The following CHRNA4 variants were observed in gnomAD, a reference collection of about 807,000 sequenced individuals.
CHRNA4 encodes neuronal acetylcholine receptor subunit alpha-4.
In CHRNA4, 28 loss-of-function variants were observed where a neutral mutation model predicts 48.9. The observed-to-expected ratio is 0.57, with a 90% confidence interval of 0.42 to 0.79. CHRNA4 has a LOEUF of 0.79. CHRNA4 is among the 30% of genes least tolerant of loss of function. CHRNA4 has a pLI of 0.00. For missense variants in CHRNA4, 859 were observed against 898.4 expected (o/e 0.96, Z 0.56); for synonymous variants, 425 against 402.3 (o/e 1.06, Z -0.68).
At chr20:63,348,452 C>T (rs779018574) in intron 5 of CHRNA4, among the ~76,000 whole-genome samples, 2 of 152,308 alleles carry the variant, frequency 1.3e-5, no homozygotes, top group Middle Eastern at 3.4e-3. Flanking sequence ...GCGAGCAACT[C>T]CCTCACTTTT....
rs773557088 is a variant in CHRNA4 at position 63,350,665 on chromosome 20, T to C, written c.746A>G (p.Asn249Ser). Residue 249 changes from asparagine (N) to serine (S), a missense_variant, in exon 5 of 6, where the codon AAC (asparagine) becomes AGC (serine). Coordinates refer to ENST00000370263, the MANE Select transcript of CHRNA4 (RefSeq NM_000744.7). ...IRRLPLFYTI[N>S]LIIPCLLISC... ...GATGAGCAGGCAGGGGATGATGAGG[T>C]TGATGGTGTAGAAGAGCGGCAGCCG... 2 of 1,613,410 alleles carry C rather than the reference T, an allele frequency of 1.2e-6. No individual in the cohort carries two copies. Among genetic ancestry groups the C allele is most frequent in the Non-Finnish European group, 1.7e-6 (2 of 1,179,826 alleles).
chr20:63,352,037 T>C (rs1344546187), intron 4 of CHRNA4, among the ~76,000 whole-genome samples: 4 of 152,074 alleles, frequency 2.6e-5, no homozygotes, highest in Non-Finnish European at 5.9e-5. Flanking sequence ...TTGGCAGGCA[T>C]GGGGCCAGGC....
Position 63,350,354 on chromosome 20 carries a change from G to A in CHRNA4, c.1057C>T (p.Pro353Ser), listed in dbSNP as rs201052218. 2.5e-6 allele frequency: 4 copies of A among 1,613,598 alleles called. No homozygotes were observed. Among genetic ancestry groups the A allele is most frequent in the Non-Finnish European group, 3.4e-6 (4 of 1,180,032 alleles). Residue 353 changes from proline to serine, a missense_variant, in exon 5 of 6, where the codon CCA becomes TCA. Pro to Ser is a moderately conservative substitution (Grantham distance 74). Around this residue, in one of 3 missense-constraint regions of CHRNA4, gnomAD observed 478 missense variants for 455.4 expected, o/e 1.05. Transcript: ENST00000370263. The part of the protein sequence containing the change: ...WVRRVFLDIV[P>S]RLLLMKRPSV... ...GGCCGCTTCATGAGGAGCAGGCGTG[G>A]CACGATGTCCAGGAAGACCCTGCGT...
chr20:63,347,058 C>T, intron 5 of CHRNA4, 195 bp from the exon 6 acceptor site: 1 of 735,114 alleles, frequency 1.4e-6, no homozygotes, highest in Non-Finnish European at 2.3e-6. Flanking sequence ...CAGTGCTCTG[C>T]GGGGGGCATC....
chr20:63,359,564 G>A lies in CHRNA4; in HGVS notation c.212C>T (p.Ala71Val), dbSNP rs753677594. The A allele has an allele frequency of 5.6e-6, 9 of 1,612,724 alleles. No homozygotes were observed. The highest frequency in any genetic ancestry group is 3.3e-5 in the Admixed American group (2 of 60,030). The change falls in exon 2 of 6, where the codon GCT (alanine) becomes GTT (valine). Residue 71 changes from alanine (A) to valine (V), a missense_variant. Ala to Val is a moderately conservative substitution (Grantham distance 64, BLOSUM62 0). Transcript: ENST00000370263. ...VVLVRFGLSI[A>V]QLIDVDEKNQ... is the part of the protein sequence containing the mutation. ...CTCACCTACCACGTCAATGAGCTGAGCGATGGACAGGCCGAAGCGGACGAG... is the reference window on the plus strand; with the variant it reads ...CTCACCTACCACGTCAATGAGCTGAACGATGGACAGGCCGAAGCGGACGAG...
Position 63,349,781 on chromosome 20 carries a change from CGCTCGGGGACACCGAAG to C in CHRNA4, c.1613_1629del (p.Ser538CysfsTer204). On this transcript the variant is annotated frameshift_variant, in exon 5 of 6. Transcript: ENST00000370263. LOFTEE classifies it high-confidence loss of function. ...TTGGTGCTGCGGGTCTTGACCGTGGCGCTCGGGGACACCGAAGAGGGCTCCTTCTTGCATGTGCATTT... is the reference window on the plus strand; with the variant it reads ...TTGGTGCTGCGGGTCTTGACCGTGGCAGGGCTCCTTCTTGCATGTGCATTT... The C allele has an allele frequency of 6.2e-7, 1 of 1,609,928 alleles. No individual in the cohort carries two copies. The highest frequency in any genetic ancestry group is 1.3e-5 in the African/African-American group (1 of 74,928).
Position 63,349,950 on chromosome 20 carries a change from C to G in CHRNA4, c.1461G>C (p.Arg487=). Residue 487 remains arginine (R), a synonymous_variant, in exon 5 of 6, where the codon CGG becomes CGC. Transcript: ENST00000370263. The part of the protein sequence containing the change: ...AVEGGVRCRS[R]SIQYCVPRDD... ...CTCGGGGAACACAGTACTGGATGCT[C>G]CGAGACCGGCACCGGACGCCGCCTT... 2 of 1,576,830 alleles carry G rather than the reference C, an allele frequency of 1.3e-6. No individual in the cohort carries two copies. The highest frequency in any genetic ancestry group is 1.7e-6 in the Non-Finnish European group (2 of 1,160,644).
chr20:63,356,066 G>C lies in CHRNA4; in HGVS notation c.292C>G (p.Leu98Val). 1 of 1,585,300 alleles carries C rather than the reference G, an allele frequency of 6.3e-7. No homozygotes were observed. The highest frequency in any genetic ancestry group is 8.6e-7 in the Non-Finnish European group (1 of 1,167,226). ...WVKQEWHDYK[L>V]RWDPADYENV... ...TCATAGTCAGCTGGGTCCCAGCGCA[G>C]CTTGTAGTCGTGCCACTCCTGGATG... Residue 98 changes from leucine (L) to valine (V), a missense_variant, in exon 4 of 6, where the codon CTG (leucine) becomes GTG (valine). This residue lies in a region of CHRNA4 where 342 missense variants were observed against 365.3 expected (regional missense o/e 0.94). Coordinates refer to ENST00000370263, the MANE Select transcript of CHRNA4 (RefSeq NM_000744.7).
Position 63,346,636 on chromosome 20 carries a change from C to T in CHRNA4, c.*102G>A. The T allele has an allele frequency of 1.3e-6, 2 of 1,500,168 alleles. No individual in the cohort carries two copies. The highest frequency in any genetic ancestry group is 2.8e-5 in the African/African-American group (2 of 72,344). 92.9% of individuals were successfully genotyped at this position (1,500,168 alleles called of 1,614,324 possible). A position where few individuals can be genotyped will look rare whatever the true frequency, so the allele number is the denominator to read the frequency against. ...GAAGGAAAATTTGGCAAACGTGTGGCCCCACAGAGTCCAGGGAGAAGCCAG... is the reference window on the plus strand; with the variant it reads ...GAAGGAAAATTTGGCAAACGTGTGGTCCCACAGAGTCCAGGGAGAAGCCAG... On this transcript the variant is annotated 3_prime_UTR_variant, in exon 6 of 6. Coordinates refer to ENST00000370263, the MANE Select transcript of CHRNA4 (RefSeq NM_000744.7).
intron 1 of CHRNA4, among the ~76,000 whole-genome samples, chr20:63,360,776 C>G (rs1474079005): frequency 6.6e-6 from 1 of 152,194 alleles, no homozygotes; most frequent in Non-Finnish European, 1.5e-5. Flanking sequence ...GGGGGAAGGG[C>G]GAAGGTGGCC....
intron 4 of CHRNA4, chr20:63,351,229 T>TCCATGC: frequency 7.7e-6 from 3 of 390,802 alleles, no homozygotes; most frequent in African/African-American, 3.6e-5. Context: ...CACGCCCACA[T>TCCATGC]CCACACCCAC....
intron 5 of CHRNA4, among the ~76,000 whole-genome samples, chr20:63,348,181 C>T (rs1319495295): frequency 6.6e-6 from 1 of 152,232 alleles, no homozygotes; most frequent in Non-Finnish European, 1.5e-5. Flanking sequence ...AGCAATCGGC[C>T]CGAGAAGGCT....
chr20:63,361,112 A>C lies in CHRNA4; in HGVS notation c.54T>G (p.Leu18=). ...TACCGCGCAGGAGGCCGGTCCCCAG[A>C]AGCAGCAGCAGCGGCGGCAGCAGCC... The part of the protein sequence containing the change: ...APRLLPPLLL[L]LGTGLLRASS... Residue 18 remains leucine (L), a synonymous_variant, in exon 1 of 6, where the codon CTT becomes CTG. Transcript: ENST00000370263. 1 of 1,477,552 alleles carries C rather than the reference A, an allele frequency of 6.8e-7. No homozygotes were observed. Among genetic ancestry groups the C allele is most frequent in the Non-Finnish European group, 8.9e-7 (1 of 1,120,154 alleles). The allele number at this position is 1,477,552 out of a possible 1,614,324, so 91.5% of individuals were successfully genotyped here. A position where few individuals can be genotyped will look rare whatever the true frequency, so the allele number is the denominator to read the frequency against.
At position 63,350,309 on chromosome 20, in the gene CHRNA4, A is replaced by C. The variant is rs1393501916; in HGVS notation, c.1102T>G (p.Cys368Gly). The change falls in exon 5 of 6, where the codon TGC (cysteine) becomes GGC (glycine). Residue 368 changes from cysteine (C) to glycine (G), a missense_variant. Cys to Gly is a radical substitution (Grantham distance 159). This residue lies in a region of CHRNA4 where 478 missense variants were observed against 455.4 expected (regional missense o/e 1.05). Transcript: ENST00000370263. The part of the protein sequence containing the change: ...MKRPSVVKDN[C>G]RRLIESMHKM... ...TGCATGGACTCGATGAGCCGCCGGC[A>C]ATTGTCCTTGACCACGGACGGCCGC... The C allele has an allele frequency of 1.9e-6, 3 of 1,613,156 alleles. No individual in the cohort carries two copies.
intron 4 of CHRNA4, among the ~76,000 whole-genome samples, chr20:63,354,095 G>C (rs73619473): frequency 2.0e-5 from 2 of 101,588 alleles, no homozygotes; most frequent in Non-Finnish European, 4.2e-5. Context: ...TTCTGCAGGA[G>C]GCACTGTAGC....
chr20:63,348,213 C>T (rs886816998), intron 5 of CHRNA4, among the ~76,000 whole-genome samples: 5 of 152,242 alleles, frequency 3.3e-5, no homozygotes, highest in Admixed American at 6.5e-5. Context: ...CCAGGGCGCG[C>T]GACCGCCGAG....
chr20:63,352,384 C>T (rs2068628942), intron 4 of CHRNA4, among the ~76,000 whole-genome samples: 1 of 152,182 alleles, frequency 6.6e-6, no homozygotes, highest in Non-Finnish European at 1.5e-5. Flanking sequence ...CGGTCTCAGT[C>T]GGTGCTGAGC....
chr20:63,355,586 T>A, intron 4 of CHRNA4: 1 of 1,302,058 alleles, frequency 7.7e-7, no homozygotes, highest in Non-Finnish European at 1.0e-6. Context: ...CCAAAAGGGC[T>A]CTCCTGCAGC....
chr20:63,350,053 TG>T lies in CHRNA4; in HGVS notation c.1357del (p.His453ThrfsTer112). The T allele has an allele frequency of 1.3e-6, 2 of 1,511,440 alleles. No homozygotes were observed. Among genetic ancestry groups the T allele is most frequent in the Non-Finnish European group, 1.8e-6 (2 of 1,128,858 alleles). 93.6% of individuals were successfully genotyped at this position (1,511,440 alleles called of 1,614,324 possible). A position where few individuals can be genotyped will look rare whatever the true frequency, so the allele number is the denominator to read the frequency against. On this transcript the variant is annotated frameshift_variant, in exon 5 of 6. Coordinates refer to ENST00000370263, the MANE Select transcript of CHRNA4 (RefSeq NM_000744.7). LOFTEE classifies it high-confidence loss of function. ...HPSPGPCRPP[H>X]GTQAPGLAKA... ...GGCCAGCCCTGGTGCCTGGGTGCCGTGGGGCGGGCGGCAGGGTCCAGGCGAG... is the reference window on the plus strand; with the variant it reads ...GGCCAGCCCTGGTGCCTGGGTGCCGTGGGCGGGCGGCAGGGTCCAGGCGAG...
Sources: allele counts gnomAD v4.1 joint callset (sites outside exome capture counted in the v4.1 genomes callset), GRCh38; gene constraint gnomAD v4.1.1; regional missense constraint gnomAD v4.1.1; transcripts MANE v1.5; gene names NCBI Gene and HGNC (gene_info 2026-07-23, HGNC 2026-07-21).